Variants in EVL observed in about 807,000 individuals in gnomAD.
EVL encodes ena/VASP-like protein.
Under a neutral mutation model 59.6 loss-of-function variants are expected in EVL, and 21 were observed. The observed-to-expected ratio is 0.35, with a 90% CI of 0.25 to 0.51. The LOEUF (loss-of-function observed/expected upper bound fraction) is 0.51, where lower values mean the gene tolerates loss of function less well. Among genes scored for constraint, EVL ranks in the 20% least tolerant of loss-of-function variants. EVL has a pLI of 0.97. For synonymous variants in EVL, 198 were observed against 203.5 expected (o/e 0.97, Z 0.23); for missense variants, 462 against 546.6 (o/e 0.85, Z 1.54).
intron 7 of EVL, among the ~76,000 whole-genome samples, chr14:100,131,218 C>T (rs1203846179): frequency 6.6e-6 from 1 of 152,228 alleles, no homozygotes; most frequent in Admixed American, 6.5e-5. Flanking sequence ...AATATGAATG[C>T]TTTCCCTAAG....
intron 3 of EVL, among the ~76,000 whole-genome samples, chr14:100,117,695 AGT>A (rs1887438093): frequency 6.6e-6 from 1 of 152,214 alleles, no homozygotes; most frequent in Non-Finnish European, 1.5e-5. Context: ...TCTAGTACGT[AGT>A]GTAATACACA....
Position 100,128,583 on chromosome 14 carries a change from T to TA in EVL, c.552_553insA (p.Pro185ThrfsTer113). 1 of 1,579,774 alleles carries TA rather than the reference T, an allele frequency of 6.3e-7. No individual in the cohort carries two copies. ...GCGCCCCCGTCTCATGTAGTGGGCC[T>TA]CCACCGCCCCCCCCACCCCCAGTCC... is the stretch of plus-strand genomic sequence containing the variant. On this transcript the variant is annotated frameshift_variant, in exon 6 of 14. Transcript: ENST00000392920. LOFTEE classifies it high-confidence loss of function.
At chr14:100,003,351 A>AT (rs2140186479) in intron 1 of EVL, among the ~76,000 whole-genome samples, 1 of 152,334 alleles carries the variant, frequency 6.6e-6, no homozygotes, top group South Asian at 2.1e-4. Context: ...TCAGTGTCAC[A>AT]AGGACTTTAA....
chr14:100,094,812 C>A (rs758456845), intron 2 of EVL, among the ~76,000 whole-genome samples: 1 of 151,876 alleles, frequency 6.6e-6, no homozygotes, highest in Admixed American at 6.6e-5. Flanking sequence ...GAGGCCGAGG[C>A]GGGCAGATCA....
intron 1 of EVL, among the ~76,000 whole-genome samples, chr14:100,008,251 T>G (rs1028465848): frequency 2.0e-5 from 3 of 152,190 alleles, no homozygotes; most frequent in Non-Finnish European, 2.9e-5. Flanking sequence ...TCCCAGGTGA[T>G]GCTAATATGG....
chr14:100,055,795 T>TTTTTC (rs1333514345), intron 1 of EVL, among the ~76,000 whole-genome samples: 2 of 133,534 alleles, frequency 1.5e-5, no homozygotes, highest in African/African-American at 6.7e-5. Context: ...GTTGTTGTCT[T>TTTTTC]TTTTCTTTTT....
chr14:100,099,179 CAAAAA>C (rs57154685), intron 3 of EVL, among the ~76,000 whole-genome samples: 3 of 51,270 alleles, frequency 5.9e-5, no homozygotes, highest in Admixed American at 2.2e-4. Context: ...CCTGTCTCTA[CAAAAA>C]AAAAAAAAAA....
At chr14:100,060,339 G>A (rs568877001) in intron 1 of EVL, among the ~76,000 whole-genome samples, 11 of 151,324 alleles carry the variant, frequency 7.3e-5, no homozygotes, top group African/African-American at 2.7e-4. Flanking sequence ...GCTGAGGCAG[G>A]AGAATGGCGT....
intron 3 of EVL, among the ~76,000 whole-genome samples, chr14:100,097,898 C>T (rs918172545): frequency 6.6e-6 from 1 of 152,212 alleles, no homozygotes; most frequent in East Asian, 1.9e-4. Context: ...ACAGATGTGT[C>T]CCTGAAGCCA....
Position 100,028,113 on chromosome 14 carries a change from T to C in EVL, c.5+56056T>C, listed in dbSNP as rs182950911. On this transcript the variant is annotated intron_variant, in intron 1 of 13. Transcript: ENST00000402714. The stretch of plus-strand genomic sequence containing the variant: ...CTGGATCATATGGTAGTTCTACTTT[T>C]AGTTGTTTTTTTGTTTGTTTGTTTT... 1.0e-3 allele frequency among the ~76,000 whole-genome samples: 147 copies of C among 144,134 alleles called. 1 individual carries two copies. The Middle Eastern group carries it at 0.024, about 24-fold the overall frequency. 94.6% of individuals were successfully genotyped at this position (144,134 alleles called of 152,430 possible). A position where few individuals can be genotyped will look rare whatever the true frequency, so the allele number is the denominator to read the frequency against.
intron 1 of EVL, among the ~76,000 whole-genome samples, chr14:100,020,049 A>G (rs761489298): frequency 2.0e-5 from 3 of 152,016 alleles, no homozygotes; most frequent in Non-Finnish European, 2.9e-5. Flanking sequence ...TCCTTTGTCA[A>G]CTCATGCAGT....
At chr14:100,044,517 G>A (rs914196188) in intron 1 of EVL, among the ~76,000 whole-genome samples, 46 of 152,116 alleles carry the variant, frequency 3.0e-4, no homozygotes, top group Admixed American at 2.8e-3. Context: ...TCAGTCTGCC[G>A]GGCACTGGGG....
In EVL at chr14:100,141,258, C is replaced by T. The variant is rs56051501; in HGVS notation, c.1161+12C>T. Reference sequence around the variant, plus strand: ...ACCGGATGAAGCAGGTGAGCATGCCCTGTGCCCTTCCCTCAAGAGGCTGAG... The same window carrying T: ...ACCGGATGAAGCAGGTGAGCATGCCTTGTGCCCTTCCCTCAAGAGGCTGAG... On this transcript the variant is annotated intron_variant, in intron 12 of 13. Transcript: ENST00000392920. The T allele has an allele frequency of 0.088, 142,607 of 1,613,048 alleles. 8,342 individuals are homozygous for T. Among genetic ancestry groups the T allele is most frequent in the East Asian group, 0.33 (14,798 of 44,800 alleles).
intron 3 of EVL, among the ~76,000 whole-genome samples, chr14:100,111,392 G>A (rs1233561929): frequency 1.3e-5 from 2 of 151,860 alleles, no homozygotes; most frequent in Non-Finnish European, 2.9e-5. Context: ...CCTGACCTCT[G>A]GTGATCCACC....
At chr14:99,989,736 T>C (rs2060863392) in intron 1 of EVL, among the ~76,000 whole-genome samples, 1 of 152,246 alleles carries the variant, frequency 6.6e-6, no homozygotes, top group Non-Finnish European at 1.5e-5. Flanking sequence ...TGGAAAGTTC[T>C]AATAGACAGT....
intron 3 of EVL, among the ~76,000 whole-genome samples, chr14:100,115,976 A>G (rs1263967395): frequency 1.3e-5 from 2 of 152,248 alleles, no homozygotes. Context: ...TGGGGTGGAC[A>G]GAGCCCTGGG....
chr14:100,134,685 A>G (rs1320316069), intron 8 of EVL: 2 of 152,256 alleles, frequency 1.3e-5, no homozygotes, highest in African/African-American at 4.8e-5. Context: ...TTAACAGAGA[A>G]GAAAGAAGGC....
At chr14:100,091,899 T>C (rs552000705) in intron 2 of EVL, among the ~76,000 whole-genome samples, 1 of 152,264 alleles carries the variant, frequency 6.6e-6, no homozygotes, top group East Asian at 1.9e-4. Flanking sequence ...ACACTTGACG[T>C]CTACTTGAGA....
At chr14:100,082,209 A>C (rs2062326668) in intron 1 of EVL, among the ~76,000 whole-genome samples, 1 of 149,768 alleles carries the variant, frequency 6.7e-6, no homozygotes, top group Non-Finnish European at 1.5e-5. Flanking sequence ...GATAAGGTTT[A>C]TAATTACTCA....
Sources: gnomAD v4.1 joint callset for allele counts (sites outside exome capture counted in the v4.1 genomes callset) on GRCh38, gnomAD v4.1.1 for gene constraint, MANE v1.5 for transcripts, NCBI Gene and HGNC (gene_info 2026-07-23, HGNC 2026-07-21) for gene names.